ADAMTS12: variants seen among roughly 807,000 people sequenced by gnomAD.
The protein encoded by ADAMTS12 is A disintegrin and metalloproteinase with thrombospondin motifs 12.
ADAMTS12 carries 118 observed loss-of-function variants against 167.8 expected under a neutral mutation model. The ratio of observed to expected loss-of-function variants is 0.70; its 90% CI spans 0.61 to 0.82. ADAMTS12 has a LOEUF of 0.82. Among genes scored for constraint, ADAMTS12 ranks in the 40% least tolerant of loss-of-function variants. The pLI, the probability that ADAMTS12 is intolerant of heterozygous loss-of-function variation, is 0.00. For synonymous variants in ADAMTS12, 704 were observed against 716.9 expected (o/e 0.98, Z 0.29); for missense variants, 1,916 against 1,998.8 (o/e 0.96, Z 0.79).
intron 22 of ADAMTS12, among the ~76,000 whole-genome samples, chr5:33,543,350 C>G (rs946025302): frequency 5.3e-5 from 8 of 152,176 alleles, no homozygotes; most frequent in Non-Finnish European, 1.0e-4. Context: ...ATAACAGACT[C>G]TGAAATTGAG....
chr5:33,567,757 A>T (rs1419519543), intron 19 of ADAMTS12, among the ~76,000 whole-genome samples: 2 of 152,222 alleles, frequency 1.3e-5, no homozygotes, highest in Admixed American at 6.5e-5. Context: ...CTTTCTTGTG[A>T]ACTATGTCAT....
intron 2 of ADAMTS12, among the ~76,000 whole-genome samples, chr5:33,758,934 T>C (rs916284253): frequency 6.6e-6 from 1 of 152,214 alleles, no homozygotes; most frequent in Admixed American, 6.5e-5. Flanking sequence ...GGAGGAAAAT[T>C]CTTCTCTAGG....
chr5:33,564,818 C>G (rs1341429469), intron 19 of ADAMTS12, among the ~76,000 whole-genome samples: 1 of 152,202 alleles, frequency 6.6e-6, no homozygotes, highest in Non-Finnish European at 1.5e-5. Flanking sequence ...AAAGCATCCT[C>G]CTTCATCTGT....
intron 6 of ADAMTS12, 102 bp downstream of exon 6, chr5:33,661,814 A>G (rs1409007227): frequency 3.3e-6 from 5 of 1,509,012 alleles, no homozygotes; most frequent in Non-Finnish European, 4.5e-6. Context: ...AAGAGCAGCA[A>G]AGAATAGTGA....
At chr5:33,574,486 C>G (rs11747983) in intron 19 of ADAMTS12, among the ~76,000 whole-genome samples, 41,412 of 148,580 alleles carry the variant, frequency 0.28, 2,593 homozygotes, top group Non-Finnish European at 0.34. Context: ...TATCAGTAAA[C>G]TATCACAAGG....
At chr5:33,821,511 T>C (rs77879593) in intron 2 of ADAMTS12, among the ~76,000 whole-genome samples, 3,869 of 152,298 alleles carry the variant, frequency 0.025, 169 homozygotes, top group African/African-American at 0.089. Flanking sequence ...GAAATTATAA[T>C]GTTTTAGGTC....
intron 2 of ADAMTS12, among the ~76,000 whole-genome samples, chr5:33,835,191 C>A (rs1437933583): frequency 6.6e-6 from 1 of 152,114 alleles, no homozygotes; most frequent in Non-Finnish European, 1.5e-5. Flanking sequence ...GTACCCAGAG[C>A]CCCAGTTCAT....
chr5:33,820,167 C>G (rs1747817415), intron 2 of ADAMTS12, among the ~76,000 whole-genome samples: 1 of 152,174 alleles, frequency 6.6e-6, no homozygotes, highest in African/African-American at 2.4e-5. Flanking sequence ...CCTTCAAATT[C>G]TAGCACTGTT....
chr5:33,635,213 G>A (rs764795520), intron 12 of ADAMTS12, among the ~76,000 whole-genome samples: 2 of 152,168 alleles, frequency 1.3e-5, no homozygotes, highest in East Asian at 1.9e-4. Context: ...TCAAGGGCAA[G>A]ATATATAGGT....
chr5:33,813,352 A>C (rs1404809802), intron 2 of ADAMTS12, among the ~76,000 whole-genome samples: 1 of 152,216 alleles, frequency 6.6e-6, no homozygotes. Context: ...TTTGATGCCT[A>C]TTGGTAATTT....
intron 2 of ADAMTS12, among the ~76,000 whole-genome samples, chr5:33,791,895 C>T (rs1272334963): frequency 6.6e-6 from 1 of 151,796 alleles, no homozygotes; most frequent in Non-Finnish European, 1.5e-5. Context: ...TGTTAGGCTG[C>T]ATTGACCCTA....
chr5:33,540,347 A>G (rs256647), intron 22 of ADAMTS12, among the ~76,000 whole-genome samples: 62,240 of 151,852 alleles, frequency 0.41, 13,734 homozygotes, highest in East Asian at 0.76. Flanking sequence ...AGCACGGCCT[A>G]CTGCCTCTGT....
intron 7 of ADAMTS12, among the ~76,000 whole-genome samples, chr5:33,652,151 G>C (rs956153494): frequency 6.6e-6 from 1 of 152,152 alleles, no homozygotes; most frequent in Admixed American, 6.6e-5. Flanking sequence ...CCAGTAGTGG[G>C]ATTGCTGGGT....
rs374530455 is a variant in ADAMTS12 at position 33,658,223 on chromosome 5, A to G, written c.1151T>C (p.Leu384Pro). The part of the protein sequence containing the change: ...RSCNINEDSG[L>P]PLAFTIAHEL... ...ATGGGCAATTGTGAAAGCCAGAGGG[A>G]GTCCCGAATCTTCATTGATGTTACA... Residue 384 changes from leucine to proline, a missense_variant, in exon 7 of 24, where the codon CTC (leucine) becomes CCC (proline). Coordinates refer to ENST00000504830, the MANE Select transcript of ADAMTS12 (RefSeq NM_030955.4). 8.5e-5 allele frequency: 137 copies of G among 1,613,400 alleles called. No homozygotes were observed. Among genetic ancestry groups the G allele is most frequent in the Non-Finnish European group, 1.1e-4 (125 of 1,179,580 alleles).
chr5:33,800,541 A>C (rs748057091), intron 2 of ADAMTS12, among the ~76,000 whole-genome samples: 1 of 152,186 alleles, frequency 6.6e-6, no homozygotes, highest in Non-Finnish European at 1.5e-5. Context: ...CAATTCTCAC[A>C]ATTTGAAGGT....
chr5:33,717,454 C>A (rs549362869), intron 3 of ADAMTS12, among the ~76,000 whole-genome samples: 11 of 152,300 alleles, frequency 7.2e-5, no homozygotes, highest in African/African-American at 2.6e-4. Context: ...CACATAATAA[C>A]CCTGTAAGGT....
At chr5:33,804,441 G>A (rs1747143248) in intron 2 of ADAMTS12, among the ~76,000 whole-genome samples, 2 of 152,186 alleles carry the variant, frequency 1.3e-5, no homozygotes, top group Non-Finnish European at 2.9e-5. Context: ...CCCTGCATGA[G>A]GGGCCAAGCC....
intron 2 of ADAMTS12, among the ~76,000 whole-genome samples, chr5:33,790,092 TA>T (rs1001886712): frequency 7.9e-5 from 12 of 151,572 alleles, no homozygotes; most frequent in African/African-American, 2.7e-4. Context: ...TAGTGCTCTT[TA>T]AAAAAAAAGT....
chr5:33,655,874 T>C (rs1355930635), intron 7 of ADAMTS12, among the ~76,000 whole-genome samples: 1 of 152,048 alleles, frequency 6.6e-6, no homozygotes, highest in Non-Finnish European at 1.5e-5. Flanking sequence ...GTTCTCACTG[T>C]TCAACTCCCA....
Sources: gnomAD v4.1 joint callset for allele counts (sites outside exome capture counted in the v4.1 genomes callset) on GRCh38, gnomAD v4.1.1 for gene constraint, MANE v1.5 for transcripts, NCBI Gene and HGNC (gene_info 2026-07-23, HGNC 2026-07-21) for gene names.